DENND2D: variants seen among roughly 807,000 people sequenced by gnomAD.
DENND2D encodes the protein DENN domain-containing protein 2D.
Under a neutral mutation model 59.8 loss-of-function variants are expected in DENND2D, and 37 were observed. The observed-to-expected ratio is 0.62, with a 90% CI of 0.48 to 0.81. The LOEUF (loss-of-function observed/expected upper bound fraction) is 0.81. Among genes scored for constraint, DENND2D ranks in the 40% least tolerant of loss-of-function variants. DENND2D has a pLI of 0.00. For synonymous variants in DENND2D, 219 were observed against 211.3 expected, an observed-to-expected ratio of 1.04 and a Z score of -0.31; for missense variants, 525 against 579.7, an observed-to-expected ratio of 0.91 and a Z score of 0.97.
chr1:111,195,411 G>C (rs1658134181), intron 6 of DENND2D: 1 of 158,058 alleles, frequency 6.3e-6, no homozygotes, highest in Non-Finnish European at 1.4e-5. Context: ...AGACTATTCA[G>C]AGTTCCAGAG....
rs1196850569 is a variant in DENND2D at position 111,187,497 on chromosome 1, G to A, written c.*108C>T. 2.4e-6 allele frequency: 2 copies of A among 830,974 alleles called. No homozygotes were observed. Among genetic ancestry groups the A allele is most frequent in the Non-Finnish European group, 4.0e-6 (2 of 495,964 alleles). 51.5% of individuals were successfully genotyped at this position (830,974 alleles called of 1,614,324 possible). A position where few individuals can be genotyped will look rare whatever the true frequency, so the allele number is the denominator to read the frequency against. On this transcript the variant is annotated 3_prime_UTR_variant, in exon 12 of 12. Coordinates refer to ENST00000357640, the MANE Select transcript of DENND2D (RefSeq NM_024901.5). ...ATACCTGGATACCAAGACTCAGAGT[G>A]AGGATATGGATTTTGGGAGCTGACA...
At position 111,187,018 on chromosome 1, in the gene DENND2D, T is replaced by G. The variant is rs1373384048; in HGVS notation, c.*587A>C. On this transcript the variant is annotated 3_prime_UTR_variant, in exon 12 of 12. Coordinates refer to ENST00000357640, the MANE Select transcript of DENND2D (RefSeq NM_024901.5). ...TACCAGTATCTCTTACCCTTCCGGT[T>G]AGAAGAAGTAGAGCTGCTGCCCCCC... is the stretch of plus-strand genomic sequence containing the variant. Among the ~76,000 whole-genome samples the G allele has an allele frequency of 6.6e-6, 1 of 152,122 alleles. No homozygotes were observed.
At chr1:111,187,798 GAT>G in intron 11 of DENND2D, 117 bp from the exon 12 acceptor site, 1 of 870,150 alleles carries the variant, frequency 1.1e-6, no homozygotes, top group Non-Finnish European at 1.8e-6. Flanking sequence ...TCCCTGCCAG[GAT>G]GTCTCTGGCC....
At chr1:111,198,898 T>C (rs1658521049) in intron 2 of DENND2D, among the ~76,000 whole-genome samples, 156 bp from the exon 3 acceptor site, 1 of 152,188 alleles carries the variant, frequency 6.6e-6, no homozygotes, top group African/African-American at 2.4e-5. Context: ...TGCCCATGAC[T>C]CTGCACAGTT....
chr1:111,189,408 T>A (rs1315015042), intron 8 of DENND2D, 155 bp from the exon 9 acceptor site: 1 of 717,740 alleles, frequency 1.4e-6, no homozygotes, highest in African/African-American at 1.8e-5. Flanking sequence ...GCATTCTCCT[T>A]TCTCACCATT....
At position 111,187,620 on chromosome 1, in the gene DENND2D, T is replaced by A. The variant is rs192805387; in HGVS notation, c.1401A>T (p.Glu467Asp). ...ACCACAGCTCTTATTTCACAGTTTTTTCCCTTGGTTTCTTCTGTTTCTTCT... is the reference window on the plus strand; with the variant it reads ...ACCACAGCTCTTATTTCACAGTTTTATCCCTTGGTTTCTTCTGTTTCTTCT... The part of the protein sequence containing the change: ...EEQKKQKKPR[E>D]KTVK The change falls in exon 12 of 12, where the codon GAA becomes GAT. Residue 467 changes from glutamate to aspartate, a missense_variant. By Grantham distance (45) the Glu-to-Asp change is conservative (BLOSUM62 2). Around this residue, in one of 3 missense-constraint regions of DENND2D, gnomAD observed 225 missense variants for 252.4 expected, o/e 0.89. Transcript: ENST00000357640. 15 of 1,613,704 alleles carry A rather than the reference T, an allele frequency of 9.3e-6. No homozygotes were observed. In the African/African-American group the frequency reaches 1.9e-4, roughly 20 times the overall value.
chr1:111,198,887 T>C (rs944820780), intron 2 of DENND2D, 145 bp from the exon 3 acceptor site: 11 of 760,206 alleles, frequency 1.4e-5, no homozygotes, highest in Admixed American at 4.6e-5. Flanking sequence ...AAGGGTGCCT[T>C]TGCCCATGAC....
At position 111,197,928 on chromosome 1, in the gene DENND2D, G is replaced by A. The variant is rs188603703; in HGVS notation, c.418C>T (p.Arg140Cys). ...TTCTGAGCTGCACAGACCAAGAGGC[G>A]CCTGCAGTATCCAATCTTTCTGCTC... Reference protein sequence around the residue: ...DGSRKIGYCRRLLPAGPGPRL... With the variant: ...DGSRKIGYCRCLLPAGPGPRL... The change falls in exon 4 of 12, where the codon CGC (arginine) becomes TGC (cysteine). Residue 140 changes from arginine to cysteine, a missense_variant. Physicochemically the swap from Arg to Cys is radical, Grantham distance 180 (BLOSUM62 -3). Coordinates refer to ENST00000357640, the MANE Select transcript of DENND2D (RefSeq NM_024901.5). 3.1e-6 allele frequency: 5 copies of A among 1,613,938 alleles called. No individual in the cohort carries two copies. The South Asian group carries it at 3.3e-5, about 11-fold the overall frequency.
At chr1:111,194,809 C>T (rs1658071963) in intron 6 of DENND2D, 83 bp from the exon 7 acceptor site, 1 of 1,474,916 alleles carries the variant, frequency 6.8e-7, no homozygotes, top group Admixed American at 1.9e-5. Flanking sequence ...CTACCAGCCT[C>T]TATTCCTTCT....
intron 5 of DENND2D, 51 bp downstream of exon 5, chr1:111,197,125 A>G (rs1413077776): frequency 3.3e-5 from 52 of 1,572,444 alleles, no homozygotes; most frequent in Non-Finnish European, 4.1e-5. Context: ...CAGGGTTGGC[A>G]GCCAGAGACA....
intron 10 of DENND2D, 109 bp downstream of exon 10, chr1:111,188,593 G>A (rs2297702): frequency 0.075 from 91,671 of 1,226,228 alleles, 4,017 homozygotes; most frequent in East Asian, 0.17. Flanking sequence ...TAGGCCTCTA[G>A]GGCTGGTCTA....
At chr1:111,204,508 A>C, upstream of DENND2D, 2 of 799,348 alleles carry the variant, frequency 2.5e-6, no homozygotes, top group Non-Finnish European at 1.7e-6. Flanking sequence ...CTCCGGCCCA[A>C]CCCCCGGGCG....
At chr1:111,204,282 C>T, upstream of DENND2D, 3 of 1,470,832 alleles carry the variant, frequency 2.0e-6, no homozygotes, top group Non-Finnish European at 2.7e-6. Flanking sequence ...GCGCTCTCCC[C>T]GGCCGGCACT....
At chr1:111,200,101 C>T in intron 1 of DENND2D, 1 of 559,652 alleles carries the variant, frequency 1.8e-6, no homozygotes, top group South Asian at 2.3e-5. Context: ...CAGAGACTGC[C>T]TAACCTGTCG....
chr1:111,199,659 A>C lies in DENND2D; in HGVS notation c.207T>G (p.Asp69Glu), dbSNP rs1440542658. 1.9e-6 allele frequency: 3 copies of C among 1,613,918 alleles called. No individual in the cohort carries two copies. The highest frequency in any genetic ancestry group is 2.5e-6 in the Non-Finnish European group (3 of 1,179,990). Residue 69 changes from aspartate (D) to glutamate (E), a missense_variant, in exon 2 of 12, where the codon GAT becomes GAG. Around this residue, in one of 3 missense-constraint regions of DENND2D, gnomAD observed 253 missense variants for 246.4 expected, o/e 1.03. Transcript: ENST00000357640. ...GGTAGGTGATTATAGGCTCGTAATC[A>C]TCCTCTGAACGCTTCTTTTTGAGAG... ...VVSLKKKRSEDDYEPIITYQF... is the reference protein window; with the variant it reads ...VVSLKKKRSEEDYEPIITYQF...
chr1:111,204,401 C>A (rs1157111456), upstream of DENND2D: 4 of 1,347,758 alleles, frequency 3.0e-6, no homozygotes, highest in Admixed American at 1.6e-4. Flanking sequence ...GCTGGCCCCG[C>A]CCCCCTATCC....
Position 111,197,139 on chromosome 1 carries a change from T to C in DENND2D, c.504+37A>G, listed in dbSNP as rs780816736. 43 of 1,059,576 alleles carry C rather than the reference T, an allele frequency of 4.1e-5. No homozygotes were observed. The African/African-American group carries it at 7.8e-4, about 19-fold the overall frequency. 65.6% of individuals were successfully genotyped at this position (1,059,576 alleles called of 1,614,324 possible). A position where few individuals can be genotyped will look rare whatever the true frequency, so the allele number is the denominator to read the frequency against. On this transcript the variant is annotated intron_variant, in intron 5 of 11. Transcript: ENST00000357640. Reference sequence around the variant, plus strand: ...GCAGGGTTGGCAGCCAGAGACAGCCTGGAATATGGGCAGGCCCTGAGGAAT... The same window carrying C: ...GCAGGGTTGGCAGCCAGAGACAGCCCGGAATATGGGCAGGCCCTGAGGAAT...
Position 111,197,722 on chromosome 1 carries a change from GC to G in DENND2D, c.426+197del, listed in dbSNP as rs1306000953. ...AGCACAGACCAGAGCCTGACCAGCAGCGGGAGAAGGGGCATCAGGTCCTCGT... is the reference window on the plus strand; with the variant it reads ...AGCACAGACCAGAGCCTGACCAGCAGGGGAGAAGGGGCATCAGGTCCTCGT... On this transcript the variant is annotated intron_variant, in intron 4 of 11. Coordinates refer to ENST00000357640, the MANE Select transcript of DENND2D (RefSeq NM_024901.5). 4 of 1,424,202 alleles carry G rather than the reference GC, an allele frequency of 2.8e-6. No individual in the cohort carries two copies. In the African/African-American group the frequency reaches 4.3e-5, roughly 15 times the overall value. The allele number at this position is 1,424,202 out of a possible 1,614,324, so 88.2% of individuals were successfully genotyped here. A position where few individuals can be genotyped will look rare whatever the true frequency, so the allele number is the denominator to read the frequency against.
intron 8 of DENND2D, among the ~76,000 whole-genome samples, chr1:111,190,147 C>G (rs1316427129): frequency 4.1e-4 from 45 of 110,162 alleles, no homozygotes; most frequent in South Asian, 7.2e-4. Context: ...CTGGGCGACA[C>G]AGCGAGACTC....
Sources: allele counts gnomAD v4.1 joint callset (sites outside exome capture counted in the v4.1 genomes callset), GRCh38; gene constraint gnomAD v4.1.1; regional missense constraint gnomAD v4.1.1; transcripts MANE v1.5; gene names NCBI Gene and HGNC (gene_info 2026-07-23, HGNC 2026-07-21).